The following NOTCH2 variants were observed in gnomAD, a reference collection of about 807,000 sequenced individuals.
The protein encoded by NOTCH2 is neurogenic locus notch homolog protein 2.
In NOTCH2, 29 loss-of-function variants were observed where a neutral mutation model predicts 235.8. The observed-to-expected ratio is 0.12, with a 90% CI of 0.09 to 0.17. The LOEUF is 0.17. NOTCH2 is among the 10% of genes least tolerant of loss of function. NOTCH2 has a pLI of 1.00. For missense variants in NOTCH2, 2,285 were observed against 3,150.2 expected, an observed-to-expected ratio of 0.73 and a Z score of 6.57; for synonymous variants, 1,086 against 1,141.5, an observed-to-expected ratio of 0.95 and a Z score of 0.98.
intron 2 of NOTCH2, among the ~76,000 whole-genome samples, chr1:120,027,741 C>A (rs1188633676): frequency 6.7e-6 from 1 of 149,662 alleles, no homozygotes. Flanking sequence ...GTTTTCTGTT[C>A]CTGTGTTAGT....
chr1:119,925,269 A>G (rs1649436139), intron 25 of NOTCH2, 36 bp downstream of exon 25: 2 of 1,612,374 alleles, frequency 1.2e-6, no homozygotes, highest in Non-Finnish European at 1.7e-6. Flanking sequence ...TGTTAGTGAC[A>G]GTCCCCTTCA....
At chr1:120,065,298 G>A (rs1176475610) in intron 1 of NOTCH2, among the ~76,000 whole-genome samples, 11 of 152,228 alleles carry the variant, frequency 7.2e-5, no homozygotes, top group South Asian at 2.1e-4. Context: ...ATAATTGTTC[G>A]ACTGAACAAG....
chr1:120,024,904 C>A, intron 2 of NOTCH2, among the ~76,000 whole-genome samples: 1 of 150,264 alleles, frequency 6.7e-6, no homozygotes, highest in Non-Finnish European at 1.5e-5. Context: ...GACAAAATAT[C>A]AAAGGCACTG....
chr1:119,937,147 CAT>C, intron 21 of NOTCH2, 133 bp downstream of exon 21: 1 of 890,180 alleles, frequency 1.1e-6, no homozygotes. Flanking sequence ...CAGTGGTAAA[CAT>C]TATGACGGGG....
chr1:119,962,698 A>G (rs1553199160), intron 11 of NOTCH2, among the ~76,000 whole-genome samples: 5 of 152,196 alleles, frequency 3.3e-5, no homozygotes. Context: ...TGAGTTCTCA[A>G]TAAATCACTC....
intron 22 of NOTCH2, among the ~76,000 whole-genome samples, chr1:119,931,724 C>T (rs1318900148): frequency 6.6e-6 from 1 of 151,618 alleles, no homozygotes; most frequent in African/African-American, 2.4e-5. Context: ...AGTCATATGG[C>T]AAAAGTACTT....
rs1274847564 is a variant in NOTCH2, at chr1:119,915,816, G to T, written c.6906C>A (p.Pro2302=). 1 of 1,613,710 alleles carries T rather than the reference G, an allele frequency of 6.2e-7. No homozygotes were observed. The highest frequency in any genetic ancestry group is 2.2e-5 in the East Asian group (1 of 44,870). Residue 2302 remains proline, a synonymous_variant, in exon 34 of 34, where the codon CCC becomes CCA. Coordinates refer to ENST00000256646, the MANE Select transcript of NOTCH2 (RefSeq NM_024408.4). ...GGATGAGCTGGAAAGTCACAATGGG[G>T]GGCAAGGGCTCCCGAGGGGTGGTTA... is the stretch of plus-strand genomic sequence containing the variant. ...KHITTPREPL[P]PIVTFQLIPK...
At position 119,935,502 on chromosome 1, in the gene NOTCH2, A is replaced by C. The variant is rs147223770; in HGVS notation, c.3625T>G (p.Phe1209Val). The change falls in exon 22 of 34, where the codon TTC becomes GTC. Residue 1209 changes from phenylalanine to valine, a missense_variant. Phe to Val is a conservative substitution (Grantham distance 50). Coordinates refer to ENST00000256646, the MANE Select transcript of NOTCH2 (RefSeq NM_024408.4). The stretch of plus-strand genomic sequence containing the variant: ...GTGCCTGGTGGGCAAGAGCACTTGA[A>C]ATGGTTCACAAGGTCAATACAGGTG... ...GGTCIDLVNH[F>V]KCSCPPGTRG... 5,009 of 1,614,210 alleles carry C rather than the reference A, an allele frequency of 3.1e-3. 22 individuals carry two copies. The highest frequency in any genetic ancestry group is 0.011 in the Middle Eastern group (65 of 6,062).
At position 119,944,667 on chromosome 1, in the gene NOTCH2, A is replaced by G. The variant is rs587646893; in HGVS notation, c.2753-2913T>C. Among the ~76,000 whole-genome samples, 6 of 152,280 alleles carry G rather than the reference A, an allele frequency of 3.9e-5. No homozygotes were observed. In the South Asian group the frequency reaches 1.2e-3, roughly 32 times the overall value. ...TATATATGAAGGAACAGATAAAAGA[A>G]TTGTGGAATAACAGCAGATTTCTCC... On this transcript the variant is annotated intron_variant, in intron 17 of 33. Transcript: ENST00000256646.
chr1:120,039,643 C>A (rs1268768463), intron 1 of NOTCH2, among the ~76,000 whole-genome samples: 4 of 150,500 alleles, frequency 2.7e-5, no homozygotes, highest in Non-Finnish European at 4.4e-5. Context: ...ATCTCCTGAC[C>A]TCGTGATGCT....
Position 119,913,591 on chromosome 1 carries a change from T to C in NOTCH2, c.*1715A>G, listed in dbSNP as rs1648961895. ...GGAGAAGAGGAAGAAAACTATTCTT[T>C]ATCTACAATTAACTAAAATGCTTCT... On this transcript the variant is annotated 3_prime_UTR_variant, in exon 34 of 34. Transcript: ENST00000256646. 4.3e-6 allele frequency: 1 copy of C among 233,330 alleles called. No homozygotes were observed. Among genetic ancestry groups the C allele is most frequent in the Non-Finnish European group, 8.5e-6 (1 of 118,072 alleles). 14.5% of individuals were successfully genotyped at this position (233,330 alleles called of 1,614,324 possible). A position where few individuals can be genotyped will look rare whatever the true frequency, so the allele number is the denominator to read the frequency against.
intron 2 of NOTCH2, among the ~76,000 whole-genome samples, chr1:120,011,425 T>C (rs406767): frequency 0.16 from 24,842 of 151,892 alleles, 2,295 homozygotes; most frequent in African/African-American, 0.31. Context: ...GTTTTCTTTT[T>C]TCCAGGATTC....
Position 119,922,253 on chromosome 1 carries a change from C to G in NOTCH2, c.5196G>C (p.Gln1732His). 1 of 1,613,986 alleles carries G rather than the reference C, an allele frequency of 6.2e-7. No individual in the cohort carries two copies. Among genetic ancestry groups the G allele is most frequent in the South Asian group, 1.1e-5 (1 of 91,068 alleles). ...CCTCTTACTTCAGCCCCACAGCATC[C>G]TGTCCCACTGGCTCACGACGCTTGT... ...SNHKRREPVG[Q>H]DAVGLKNLSV... The change falls in exon 28 of 34, where the codon CAG becomes CAC. Residue 1732 changes from glutamine to histidine, a missense_variant. Physicochemically the swap from Gln to His is conservative, Grantham distance 24. Around this residue, in one of 6 missense-constraint regions of NOTCH2, gnomAD observed 1,173 missense variants for 1,515.3 expected, o/e 0.77. Transcript: ENST00000256646.
chr1:119,937,690 T>C (rs1441270309), intron 20 of NOTCH2, among the ~76,000 whole-genome samples, 167 bp downstream of exon 20: 2 of 152,206 alleles, frequency 1.3e-5, no homozygotes, highest in African/African-American at 4.8e-5. Context: ...TCTGAACCTA[T>C]TCCTCTACCC....
Position 119,950,393 on chromosome 1 carries a change from A to G in NOTCH2, c.2479+331T>C, listed in dbSNP as rs890248566. 8.8e-6 allele frequency: 4 copies of G among 453,636 alleles called. 1 individual carries two copies. In the East Asian group the frequency reaches 1.6e-4, roughly 19 times the overall value. 28.1% of individuals were successfully genotyped at this position (453,636 alleles called of 1,614,324 possible). A position where few individuals can be genotyped will look rare whatever the true frequency, so the allele number is the denominator to read the frequency against. ...CCAATAAGTGGTAGCTGTATTATTG[A>G]AACTAAGACAAATAGCTAATGTCCT... On this transcript the variant is annotated intron_variant, in intron 15 of 33. Transcript: ENST00000256646.
At chr1:119,948,347 G>T in intron 17 of NOTCH2, 67 bp downstream of exon 17, 2 of 1,588,988 alleles carry the variant, frequency 1.3e-6, no homozygotes, top group East Asian at 2.2e-5. Context: ...GCCTCCACTG[G>T]GCTCTCCTCT....
intron 23 of NOTCH2, among the ~76,000 whole-genome samples, chr1:119,927,364 A>T (rs1327458164): frequency 6.6e-6 from 1 of 152,078 alleles, no homozygotes; most frequent in Non-Finnish European, 1.5e-5. Flanking sequence ...GGCCAACGAG[A>T]TCAAGCAGCA....
intron 28 of NOTCH2, 101 bp downstream of exon 28, chr1:119,922,135 T>C: frequency 5.3e-6 from 7 of 1,314,400 alleles, no homozygotes; most frequent in Non-Finnish European, 7.6e-6. Context: ...TGTGAGTAAA[T>C]GCCCAGAGCT....
intron 2 of NOTCH2, among the ~76,000 whole-genome samples, chr1:120,023,972 GA>G (rs1242509281): frequency 6.6e-6 from 1 of 151,902 alleles, no homozygotes; most frequent in African/African-American, 2.4e-5. Context: ...AATAACTCTT[GA>G]ATTAATAAAA....
Sources: allele counts gnomAD v4.1 joint callset (sites outside exome capture counted in the v4.1 genomes callset), GRCh38; gene constraint gnomAD v4.1.1; regional missense constraint gnomAD v4.1.1; transcripts MANE v1.5; gene names NCBI Gene and HGNC (gene_info 2026-07-23, HGNC 2026-07-21).